ACACA: variants seen among roughly 807,000 people sequenced by gnomAD.
The protein encoded by ACACA is acetyl-CoA carboxylase 1.
A neutral mutation model predicts 296.1 loss-of-function variants in ACACA; 103 were observed. The ratio of observed to expected loss-of-function variants is 0.35; its 90% CI spans 0.30 to 0.41. The LOEUF (loss-of-function observed/expected upper bound fraction) is 0.41, where lower values mean the gene tolerates loss of function less well. ACACA is among the 10% of genes least tolerant of loss of function. The pLI is 1.00. For missense variants in ACACA, 1,554 were observed against 2,989.7 expected (o/e 0.52, Z 11.20); for synonymous variants, 953 against 1,038.6 (o/e 0.92, Z 1.58).
In ACACA at chr17:37,201,750, A is replaced by G. The variant is rs117484837; in HGVS notation, c.4057-1267T>C. On this transcript the variant is annotated intron_variant, in intron 33 of 55. Transcript: ENST00000616317. ...CTTTAGTTTGACCACATTTCTTGCTATAACTCCAACCAAGAGATATGTTTA... is the reference window on the plus strand; with the variant it reads ...CTTTAGTTTGACCACATTTCTTGCTGTAACTCCAACCAAGAGATATGTTTA... 3.3e-5 allele frequency among the ~76,000 whole-genome samples: 5 copies of G among 152,302 alleles called. No individual in the cohort carries two copies. The East Asian group carries it at 5.8e-4, about 18-fold the overall frequency.
chr17:37,097,823 T>C lies in ACACA; in HGVS notation c.6720+7A>G. On this transcript the variant is annotated splice_region_variant and intron_variant, in intron 53 of 55. Transcript: ENST00000616317. This position sits in a 1 kb window ranked among gnomAD's most constrained non-coding sequence, Gnocchi z 4.8. ...CTCTGACAAGAAGTGGCAACCATTG[T>C]ACTTACGCTAATAACACCCTTCTCC... 6.2e-7 allele frequency: 1 copy of C among 1,614,210 alleles called. No homozygotes were observed. The highest frequency in any genetic ancestry group is 1.1e-5 in the South Asian group (1 of 91,084).
intron 1 of ACACA, among the ~76,000 whole-genome samples, chr17:37,346,249 G>A (rs957636804): frequency 5.3e-5 from 8 of 151,340 alleles, no homozygotes; most frequent in African/African-American, 9.7e-5. Context: ...CCCAGGAGGC[G>A]GAGGTTGCAG....
chr17:37,116,010 C>T (rs1028589594), intron 50 of ACACA, among the ~76,000 whole-genome samples: 6 of 151,358 alleles, frequency 4.0e-5, no homozygotes, highest in Non-Finnish European at 8.8e-5. Flanking sequence ...GGGAGCGGGG[C>T]GCGCCAGGTT....
At chr17:37,303,357 A>G (rs908830633) in intron 3 of ACACA, among the ~76,000 whole-genome samples, 8 of 152,232 alleles carry the variant, frequency 5.3e-5, no homozygotes, top group African/African-American at 1.7e-4. Flanking sequence ...ACAATATTTC[A>G]ATGTGTGGAC....
rs1052803652 is a variant in ACACA, at chr17:37,122,777, G to C, written c.6042-150C>G. On this transcript the variant is annotated intron_variant, in intron 48 of 55. Coordinates refer to ENST00000616317, the MANE Select transcript of ACACA (RefSeq NM_198834.3). ...TCTGATTCTTCTATGAGTTAAATGT[G>C]AGACTCTACGGATTTGATATTTACT... The C allele has an allele frequency of 9.6e-6, 7 of 727,114 alleles. No homozygotes were observed. In the Admixed American group the frequency reaches 1.2e-4, roughly 12 times the overall value. 45.0% of individuals were successfully genotyped at this position (727,114 alleles called of 1,614,324 possible). A position where few individuals can be genotyped will look rare whatever the true frequency, so the allele number is the denominator to read the frequency against.
At chr17:37,088,496 C>CAAAT in intron 55 of ACACA, among the ~76,000 whole-genome samples, 1 of 152,134 alleles carries the variant, frequency 6.6e-6, no homozygotes, top group East Asian at 1.9e-4. Context: ...GAAATGTTTC[C>CAAAT]AAATAAACTT....
intron 5 of ACACA, among the ~76,000 whole-genome samples, chr17:37,281,212 C>G (rs574819979): frequency 7.2e-5 from 11 of 151,962 alleles, no homozygotes; most frequent in African/African-American, 2.7e-4. Context: ...GGCACCAGCA[C>G]CATGCCCAGC....
chr17:37,240,066 T>C (rs1220141925), intron 24 of ACACA, among the ~76,000 whole-genome samples: 1 of 152,206 alleles, frequency 6.6e-6, no homozygotes, highest in East Asian at 1.9e-4. Context: ...AACCTGAACT[T>C]GCTCTTCCTA....
chr17:37,116,240 G>A (rs1403071293), intron 50 of ACACA, among the ~76,000 whole-genome samples: 4 of 152,090 alleles, frequency 2.6e-5, no homozygotes, highest in Admixed American at 1.3e-4. Context: ...CGCCCACCTC[G>A]GCCTTCCAAA....
intron 10 of ACACA, among the ~76,000 whole-genome samples, chr17:37,270,122 C>T (rs529631430): frequency 6.6e-6 from 1 of 152,264 alleles, no homozygotes; most frequent in African/African-American, 2.4e-5. Context: ...AAGAGAGATC[C>T]TACATCGAGC....
intron 48 of ACACA, 21 bp downstream of exon 48, chr17:37,125,677 C>A (rs1323956281): frequency 6.3e-7 from 1 of 1,594,800 alleles, no homozygotes; most frequent in South Asian, 1.1e-5. Context: ...AAAAGAGCTG[C>A]CAAAACAAAA....
intron 47 of ACACA, 69 bp from the exon 48 acceptor site, chr17:37,125,863 C>A: frequency 1.5e-6 from 2 of 1,370,380 alleles, no homozygotes; most frequent in Non-Finnish European, 2.1e-6. Flanking sequence ...CTGGAACTGA[C>A]GAATTTAAGG....
chr17:37,156,053 CTTTTTT>C (rs60787242), intron 42 of ACACA, among the ~76,000 whole-genome samples: 20 of 94,006 alleles, frequency 2.1e-4, no homozygotes, highest in African/African-American at 7.4e-4. Context: ...TTCTTTCTTT[CTTTTTT>C]TTTTTTTTTT....
chr17:37,089,281 T>G (rs1367863690), intron 54 of ACACA, among the ~76,000 whole-genome samples: 1 of 152,154 alleles, frequency 6.6e-6, no homozygotes. Context: ...TGGACACAGG[T>G]GTACACCTGA....
At chr17:37,205,696 A>C in intron 33 of ACACA, 69 bp downstream of exon 33, 1 of 1,218,548 alleles carries the variant, frequency 8.2e-7, no homozygotes, top group South Asian at 1.2e-5. Context: ...GCAACTGATA[A>C]AAGGATAGCT....
intron 47 of ACACA, among the ~76,000 whole-genome samples, chr17:37,128,954 C>T (rs2074959218): frequency 6.6e-6 from 1 of 152,140 alleles, no homozygotes; most frequent in Admixed American, 6.5e-5. Context: ...GTCTCAAAGA[C>T]GTGTGCTAAA....
At chr17:37,244,810 T>C in intron 20 of ACACA, 76 bp from the exon 21 acceptor site, 4 of 1,589,876 alleles carry the variant, frequency 2.5e-6, no homozygotes, top group Non-Finnish European at 3.5e-6. Flanking sequence ...CACTTAAGAG[T>C]TATCATTCAA....
At chr17:37,309,869 TAGTG>T (rs1433318014) in intron 3 of ACACA, among the ~76,000 whole-genome samples, 1 of 151,714 alleles carries the variant, frequency 6.6e-6, no homozygotes, top group Non-Finnish European at 1.5e-5. Flanking sequence ...CTGGGCCACA[TAGTG>T]AGAACACATC....
At chr17:37,219,250 G>A (rs1476156630) in intron 29 of ACACA, among the ~76,000 whole-genome samples, 1 of 152,168 alleles carries the variant, frequency 6.6e-6, no homozygotes, top group African/African-American at 2.4e-5. Flanking sequence ...ACACATGGAT[G>A]TGCTGAGAGG....
Sources: gnomAD v4.1 joint callset for allele counts (sites outside exome capture counted in the v4.1 genomes callset) on GRCh38, gnomAD v4.1.1 for gene constraint, Gnocchi (gnomAD v3.1) non-coding constraint, MANE v1.5 for transcripts, NCBI Gene and HGNC (gene_info 2026-07-23, HGNC 2026-07-21) for gene names.